Variants in TLN2 observed in about 807,000 individuals in gnomAD.
TLN2 encodes the protein talin-2.
A neutral mutation model predicts 294.7 loss-of-function variants in TLN2; 118 were observed. That is an observed-to-expected ratio of 0.40 (90% CI 0.34 to 0.47). The LOEUF is 0.47. TLN2 is among the 20% of genes least tolerant of loss of function. TLN2 has a pLI of 0.84. For missense variants in TLN2, 3,083 were observed against 3,282.2 expected (o/e 0.94, Z 1.48); for synonymous variants, 1,431 against 1,304.5 (o/e 1.10, Z -2.09).
chr15:62,405,533 G>T (rs1193038015), intron 1 of TLN2, among the ~76,000 whole-genome samples: 1 of 152,200 alleles, frequency 6.6e-6, no homozygotes, highest in Admixed American at 6.5e-5. Flanking sequence ...TTTCTTTGGG[G>T]TAATTTAATT....
chr15:62,597,957 A>C (rs1241497420), intron 2 of TLN2, among the ~76,000 whole-genome samples: 1 of 152,200 alleles, frequency 6.6e-6, no homozygotes, highest in Non-Finnish European at 1.5e-5. Context: ...AGAAAGTTTC[A>C]GACTTTGGAA....
chr15:62,806,691 G>C (rs1043580287), intron 51 of TLN2, among the ~76,000 whole-genome samples: 4 of 152,144 alleles, frequency 2.6e-5, no homozygotes, highest in Non-Finnish European at 4.4e-5. Flanking sequence ...TGATCTATTA[G>C]GAAAGTGAAC....
chr15:62,454,860 A>C (rs2036370874), intron 1 of TLN2, among the ~76,000 whole-genome samples: 1 of 152,088 alleles, frequency 6.6e-6, no homozygotes, highest in South Asian at 2.1e-4. Flanking sequence ...CATTGTTCCC[A>C]AGACCCTCCC....
intron 1 of TLN2, among the ~76,000 whole-genome samples, chr15:62,394,077 A>C (rs72753814): frequency 1.9e-4 from 29 of 152,062 alleles, no homozygotes; most frequent in Non-Finnish European, 4.4e-5. Flanking sequence ...CACCTGGCCA[A>C]CCTGATTCTT....
intron 2 of TLN2, among the ~76,000 whole-genome samples, chr15:62,601,533 A>C (rs924540724): frequency 1.3e-5 from 2 of 152,244 alleles, no homozygotes; most frequent in Non-Finnish European, 2.9e-5. Context: ...GGCAGGCTAC[A>C]TATTTTCATT....
chr15:62,456,457 G>A (rs2036489283), intron 1 of TLN2, among the ~76,000 whole-genome samples: 1 of 152,200 alleles, frequency 6.6e-6, no homozygotes, highest in African/African-American at 2.4e-5. Context: ...CCCTGGGTGT[G>A]CGTCTTGTGC....
Position 62,841,493 on chromosome 15 carries a change from G to T in TLN2, c.*883G>T, listed in dbSNP as rs2141275458. The T allele has an allele frequency of 6.6e-6, 1 of 152,274 alleles. No homozygotes were observed. Among genetic ancestry groups the T allele is most frequent in the South Asian group, 2.1e-4 (1 of 4,810 alleles). 9.4% of individuals were successfully genotyped at this position (152,274 alleles called of 1,614,324 possible). A position where few individuals can be genotyped will look rare whatever the true frequency, so the allele number is the denominator to read the frequency against. On this transcript the variant is annotated 3_prime_UTR_variant, in exon 59 of 59. Transcript: ENST00000636159. ...GAGCTTCCTCAGTGACTCATCTTTAGGTCCCACGCTGGTTTCTGTGCCTTC... is the reference window on the plus strand; with the variant it reads ...GAGCTTCCTCAGTGACTCATCTTTATGTCCCACGCTGGTTTCTGTGCCTTC...
intron 3 of TLN2, among the ~76,000 whole-genome samples, chr15:62,647,050 C>T (rs1270934417): frequency 6.6e-6 from 1 of 152,182 alleles, no homozygotes; most frequent in Non-Finnish European, 1.5e-5. Flanking sequence ...TACTTGTCAC[C>T]CTGTAGTAAT....
At chr15:62,604,631 G>A (rs993001419) in intron 2 of TLN2, among the ~76,000 whole-genome samples, 3 of 151,154 alleles carry the variant, frequency 2.0e-5, no homozygotes, top group Non-Finnish European at 4.4e-5. Context: ...GGGTGTTGGT[G>A]GTTGCAGTGT....
At chr15:62,417,619 A>G (rs1246940354) in intron 1 of TLN2, among the ~76,000 whole-genome samples, 3 of 152,180 alleles carry the variant, frequency 2.0e-5, no homozygotes, top group Non-Finnish European at 4.4e-5. Context: ...CATACTTTGC[A>G]TCTGAGTTCA....
In TLN2 at chr15:62,580,907, G is replaced by T. The variant is rs113268331; in HGVS notation, c.-237-8780G>T. Among the ~76,000 whole-genome samples, 1,011 of 145,228 alleles carry T rather than the reference G, an allele frequency of 7.0e-3. 10 individuals carry two copies. The highest frequency in any genetic ancestry group is 0.025 in the African/African-American group (961 of 39,134). On this transcript the variant is annotated intron_variant, in intron 1 of 58. Coordinates refer to ENST00000636159, the MANE Select transcript of TLN2 (RefSeq NM_015059.3). ...TTTTTTTTTTTTTCTTTTTGAGACA[G>T]AGTTTCGGTCTTGTTGCCTAGGCTG... is the stretch of plus-strand genomic sequence containing the variant.
intron 1 of TLN2, among the ~76,000 whole-genome samples, chr15:62,510,394 C>G (rs2039865792): frequency 6.6e-6 from 1 of 152,170 alleles, no homozygotes; most frequent in African/African-American, 2.4e-5. Context: ...GCTTCAGTTC[C>G]TTAAGCTGTA....
intron 6 of TLN2, 71 bp from the exon 7 acceptor site, chr15:62,653,091 C>A: frequency 7.6e-7 from 1 of 1,316,622 alleles, no homozygotes. Flanking sequence ...TGGAATATCA[C>A]AGGCCTTAGG....
Position 62,608,947 on chromosome 15 carries a change from A to G in TLN2, c.-161-9404A>G, listed in dbSNP as rs1186817210. Among the ~76,000 whole-genome samples, 3 of 152,040 alleles carry G rather than the reference A, an allele frequency of 2.0e-5. No homozygotes were observed. In the East Asian group the frequency reaches 5.8e-4, roughly 29 times the overall value. On this transcript the variant is annotated intron_variant, in intron 2 of 58. Transcript: ENST00000636159. ...AAGTCAGAGGAGGGATAAGATGGGT[A>G]ATAGGAGGTCTGTTTGGGTAGAGAA...
chr15:62,780,645 T>C (rs1169944105), intron 43 of TLN2, among the ~76,000 whole-genome samples: 1 of 152,238 alleles, frequency 6.6e-6, no homozygotes, highest in Non-Finnish European at 1.5e-5. Flanking sequence ...TAATTCCTTC[T>C]ATTCCCCGAT....
intron 1 of TLN2, among the ~76,000 whole-genome samples, chr15:62,423,116 T>C (rs940770634): frequency 6.6e-6 from 1 of 152,146 alleles, no homozygotes; most frequent in Non-Finnish European, 1.5e-5. Flanking sequence ...CATTGGGACC[T>C]GGTGCGGTGG....
At chr15:62,640,020 C>A in intron 3 of TLN2, 1 of 394,334 alleles carries the variant, frequency 2.5e-6, no homozygotes, top group African/African-American at 2.1e-5. Context: ...TGCTCAGTGC[C>A]TGGAGTCTGA....
At chr15:62,501,201 CT>C (rs1175359912) in intron 1 of TLN2, among the ~76,000 whole-genome samples, 1 of 152,186 alleles carries the variant, frequency 6.6e-6, no homozygotes, top group Non-Finnish European at 1.5e-5. Context: ...AAAGGAGGAA[CT>C]TTTATCTCTA....
chr15:62,504,001 T>C (rs925900096), intron 1 of TLN2, among the ~76,000 whole-genome samples: 6 of 152,208 alleles, frequency 3.9e-5, no homozygotes, highest in African/African-American at 1.4e-4. Flanking sequence ...CTGTGCTTTT[T>C]TGAGCCTTTT....
Sources: allele counts gnomAD v4.1 joint callset (sites outside exome capture counted in the v4.1 genomes callset), GRCh38; gene constraint gnomAD v4.1.1; transcripts MANE v1.5; gene names NCBI Gene and HGNC (gene_info 2026-07-23, HGNC 2026-07-21).